CDH12: variants seen among roughly 807,000 people sequenced by gnomAD.
The protein encoded by CDH12 is cadherin 12.
In CDH12, 41 loss-of-function variants were observed where a neutral mutation model predicts 74.1. The ratio of observed to expected loss-of-function variants is 0.55; its 90% CI spans 0.43 to 0.72. The LOEUF is 0.72. Ranked by LOEUF, CDH12 falls within the 30% of genes least tolerant of loss-of-function variation. The pLI, the probability that CDH12 is intolerant of heterozygous loss-of-function variation, is 0.00. For missense variants in CDH12, 945 were observed against 977.2 expected (o/e 0.97, Z 0.44); for synonymous variants, 399 against 355.0 (o/e 1.12, Z -1.39).
At chr5:21,798,048 A>G (rs566042556) in intron 10 of CDH12, among the ~76,000 whole-genome samples, 3 of 152,036 alleles carry the variant, frequency 2.0e-5, no homozygotes, top group Admixed American at 2.0e-4. Context: ...TGCAACCTTC[A>G]ATTTTTTTTC....
chr5:22,663,371 A>G (rs1361729569), intron 1 of CDH12, among the ~76,000 whole-genome samples: 1 of 152,182 alleles, frequency 6.6e-6, no homozygotes, highest in East Asian at 1.9e-4. Context: ...TTCTCACAGC[A>G]ATCAAAGATA....
chr5:22,424,870 T>A, intron 2 of CDH12, among the ~76,000 whole-genome samples: 1 of 151,868 alleles, frequency 6.6e-6, no homozygotes, highest in Non-Finnish European at 1.5e-5. Context: ...ATCTTAGAAA[T>A]AAAGAATAAA....
intron 5 of CDH12, among the ~76,000 whole-genome samples, 199 bp downstream of exon 5, chr5:22,078,247 T>C (rs1742468150): frequency 6.6e-6 from 1 of 152,118 alleles, no homozygotes; most frequent in South Asian, 2.1e-4. Context: ...TCAGGAAGAA[T>C]TAAAGCAAAG....
At chr5:22,323,457 T>G (rs1323796301) in intron 3 of CDH12, among the ~76,000 whole-genome samples, 2 of 152,208 alleles carry the variant, frequency 1.3e-5, no homozygotes, top group Non-Finnish European at 2.9e-5. Flanking sequence ...GCAGTTAATT[T>G]TATCTATTTG....
intron 3 of CDH12, among the ~76,000 whole-genome samples, chr5:22,249,085 C>T (rs911962031): frequency 6.6e-6 from 1 of 151,308 alleles, no homozygotes; most frequent in Admixed American, 6.6e-5. Flanking sequence ...CTGTGAATAC[C>T]CCCCAAAATA....
At chr5:22,163,395 C>T (rs540785581) in intron 4 of CDH12, among the ~76,000 whole-genome samples, 3 of 152,254 alleles carry the variant, frequency 2.0e-5, no homozygotes, top group African/African-American at 7.2e-5. Flanking sequence ...ATATTTACCA[C>T]TTGGATGTCT....
At chr5:22,791,844 C>T (rs765212199) in intron 1 of CDH12, among the ~76,000 whole-genome samples, 4 of 152,108 alleles carry the variant, frequency 2.6e-5, no homozygotes, top group South Asian at 2.1e-4. Context: ...GGAAATCCGC[C>T]TCTGTGATCC....
chr5:22,518,771 G>A (rs755228230), intron 1 of CDH12, among the ~76,000 whole-genome samples: 3 of 152,204 alleles, frequency 2.0e-5, no homozygotes, highest in Non-Finnish European at 4.4e-5. Context: ...CAGTTTCACT[G>A]ATGCAAGGAG....
At chr5:22,434,009 C>A (rs913042299) in intron 2 of CDH12, among the ~76,000 whole-genome samples, 1 of 152,124 alleles carries the variant, frequency 6.6e-6, no homozygotes, top group Non-Finnish European at 1.5e-5. Context: ...GATCACAGCT[C>A]ATTTCTCGTG....
chr5:22,222,931 T>G (rs1752069319), intron 3 of CDH12, among the ~76,000 whole-genome samples: 1 of 152,022 alleles, frequency 6.6e-6, no homozygotes, highest in Admixed American at 6.6e-5. Flanking sequence ...ATTCAAGAAT[T>G]ATTACAGTGC....
At chr5:22,736,991 G>A (rs1163957269) in intron 1 of CDH12, among the ~76,000 whole-genome samples, 2 of 151,826 alleles carry the variant, frequency 1.3e-5, no homozygotes, top group South Asian at 4.1e-4. Flanking sequence ...TAATTTTATC[G>A]TTATGAAATA....
At position 22,130,142 on chromosome 5, in the gene CDH12, G is replaced by A. The variant is rs544412243; in HGVS notation, c.-186-51280C>T. On this transcript the variant is annotated intron_variant, in intron 4 of 14. Transcript: ENST00000382254. ...AATACTCAAAATAAGTATGCAGAAC[G>A]CATTAGTTTAGATATATTTGAAGAG... Among the ~76,000 whole-genome samples the A allele has an allele frequency of 1.2e-4, 18 of 150,262 alleles. No homozygotes were observed. In the East Asian group the frequency reaches 1.6e-3, roughly 13 times the overall value.
chr5:22,838,649 GTC>G (rs1319140795), intron 1 of CDH12, among the ~76,000 whole-genome samples: 7 of 125,334 alleles, frequency 5.6e-5, no homozygotes, highest in African/African-American at 2.1e-4. Flanking sequence ...GTGTGAGAGT[GTC>G]TGTGTGTGTG....
chr5:22,097,361 G>A (rs141307100), intron 4 of CDH12, among the ~76,000 whole-genome samples: 1,645 of 152,158 alleles, frequency 0.011, 15 homozygotes, highest in African/African-American at 0.015. Context: ...GACCATCACG[G>A]ATGCTGAGCT....
chr5:22,375,231 A>G (rs1021337550), intron 3 of CDH12, among the ~76,000 whole-genome samples: 1 of 152,098 alleles, frequency 6.6e-6, no homozygotes, highest in Non-Finnish European at 1.5e-5. Flanking sequence ...TGGTATTGGG[A>G]ATTACCCATA....
intron 3 of CDH12, among the ~76,000 whole-genome samples, chr5:22,244,093 CA>C (rs200873118): frequency 1.8e-4 from 27 of 146,996 alleles, no homozygotes; most frequent in South Asian, 4.3e-4. Flanking sequence ...TCAAAAAAGG[CA>C]AAAAAAAATG....
At chr5:22,540,798 C>T (rs1051976671) in intron 1 of CDH12, among the ~76,000 whole-genome samples, 7 of 152,204 alleles carry the variant, frequency 4.6e-5, no homozygotes, top group East Asian at 1.9e-4. Context: ...ATTGAAAAAG[C>T]GAAGTGTCAA....
chr5:22,824,297 G>C (rs1749888895), intron 1 of CDH12, among the ~76,000 whole-genome samples: 1 of 151,834 alleles, frequency 6.6e-6, no homozygotes, highest in South Asian at 2.1e-4. Flanking sequence ...TAATTCTCAA[G>C]CATATATTTA....
intron 3 of CDH12, among the ~76,000 whole-genome samples, chr5:22,244,398 G>A (rs1251213661): frequency 6.7e-6 from 1 of 148,182 alleles, no homozygotes; most frequent in Non-Finnish European, 1.5e-5. Context: ...GGGAGGATGA[G>A]GCACAATAAT....
Sources: gnomAD v4.1 joint callset for allele counts (sites outside exome capture counted in the v4.1 genomes callset) on GRCh38, gnomAD v4.1.1 for gene constraint, MANE v1.5 for transcripts, NCBI Gene and HGNC (gene_info 2026-07-23, HGNC 2026-07-21) for gene names.